Variants in SLCO1C1 observed in about 807,000 individuals in gnomAD.
SLCO1C1 encodes solute carrier organic anion transporter family member 1C1.
SLCO1C1 carries 70 observed loss-of-function variants against 76.4 expected under a neutral mutation model. The observed-to-expected ratio is 0.92, with a 90% CI of 0.76 to 1.12. The LOEUF (loss-of-function observed/expected upper bound fraction) is 1.12. Ranked by LOEUF, SLCO1C1 falls within the 50% of genes most tolerant of loss-of-function variation. The pLI, the probability that SLCO1C1 is intolerant of heterozygous loss-of-function variation, is 0.00. For synonymous variants in SLCO1C1, 306 were observed against 286.1 expected (o/e 1.07, Z -0.70); for missense variants, 912 against 823.8 (o/e 1.11, Z -1.31).
chr12:20,733,723 C>G (rs748275134), intron 10 of SLCO1C1, among the ~76,000 whole-genome samples: 28 of 152,158 alleles, frequency 1.8e-4, no homozygotes, highest in Admixed American at 1.1e-3. Context: ...TAAAAGTTCT[C>G]TTTAGCTGAG....
intron 13 of SLCO1C1, among the ~76,000 whole-genome samples, chr12:20,745,968 G>A (rs1319526598): frequency 6.6e-6 from 1 of 151,988 alleles, no homozygotes; most frequent in African/African-American, 2.4e-5. Context: ...TTGAAACCCA[G>A]AAGAAATGAA....
chr12:20,720,979 A>G (rs1947635077), intron 7 of SLCO1C1, among the ~76,000 whole-genome samples: 1 of 148,346 alleles, frequency 6.7e-6, no homozygotes, highest in Non-Finnish European at 1.5e-5. Flanking sequence ...CCTGGGCAAC[A>G]AGAGTGAAAC....
intron 1 of SLCO1C1, among the ~76,000 whole-genome samples, chr12:20,698,200 GT>G (rs951933584): frequency 3.3e-5 from 5 of 151,534 alleles, no homozygotes; most frequent in African/African-American, 1.2e-4. Flanking sequence ...TTATATCTTT[GT>G]TTTTTGTCTT....
intron 12 of SLCO1C1, 79 bp downstream of exon 12, chr12:20,740,447 G>C: frequency 2.3e-6 from 3 of 1,327,574 alleles, no homozygotes; most frequent in Non-Finnish European, 3.1e-6. Context: ...TTTTTCTGTG[G>C]AGTCTATGAT....
chr12:20,695,829 TTA>T (rs1244509683), intron 1 of SLCO1C1, 22 bp downstream of exon 1: 2 of 152,142 alleles, frequency 1.3e-5, no homozygotes, highest in Admixed American at 1.3e-4. Context: ...TTCTCTCATT[TTA>T]TATTTTGTGA....
Position 20,737,140 on chromosome 12 carries a change from C to G in SLCO1C1, c.1416C>G (p.Leu472=). Residue 472 remains leucine, a synonymous_variant, in exon 11 of 15, where the codon CTC becomes CTG. Coordinates refer to ENST00000266509, the MANE Select transcript of SLCO1C1 (RefSeq NM_017435.5). ...CTGTCTCTTATCATGAACGAGCTCT[C>G]TTTTCAGATTGCAACTCAAGATGCA... ...TKPVSYHERA[L]FSDCNSRCKC... 1 of 1,545,596 alleles carries G rather than the reference C, an allele frequency of 6.5e-7. No homozygotes were observed. The highest frequency in any genetic ancestry group is 8.7e-7 in the Non-Finnish European group (1 of 1,154,328).
rs1283870434 is a variant in SLCO1C1 at position 20,752,819 on chromosome 12, C to G, written c.*291C>G. 5.2e-6 allele frequency: 1 copy of G among 193,126 alleles called. No individual in the cohort carries two copies. The highest frequency in any genetic ancestry group is 2.3e-5 in the African/African-American group (1 of 42,960). The allele number at this position is 193,126 out of a possible 1,614,324, so 12.0% of individuals were successfully genotyped here. On this transcript the variant is annotated 3_prime_UTR_variant, in exon 15 of 15. Coordinates refer to ENST00000266509, the MANE Select transcript of SLCO1C1 (RefSeq NM_017435.5). Reference sequence around the variant, plus strand: ...TCATTGATATATATTAGCTGTACTCCTAGAAGAACAATTGTCTCTATTGTC... The same window carrying G: ...TCATTGATATATATTAGCTGTACTCGTAGAAGAACAATTGTCTCTATTGTC...
rs1211814317 is a variant in SLCO1C1, at chr12:20,743,856, T to A, written c.1798+487T>A. On this transcript the variant is annotated intron_variant, in intron 13 of 14. Coordinates refer to ENST00000266509, the MANE Select transcript of SLCO1C1 (RefSeq NM_017435.5). ...GCAAATAAATTTGAGTAGGTCATAC[T>A]TTAAATTGTAATTGAAATGTTTTTT... is the stretch of plus-strand genomic sequence containing the variant. Among the ~76,000 whole-genome samples, 3 of 140,308 alleles carry A rather than the reference T, an allele frequency of 2.1e-5. No individual in the cohort carries two copies. The South Asian group carries it at 7.9e-4, about 37-fold the overall frequency. The allele number at this position is 140,308 out of a possible 152,430, so 92.0% of individuals were successfully genotyped here. A position where few individuals can be genotyped will look rare whatever the true frequency, so the allele number is the denominator to read the frequency against.
chr12:20,724,902 A>C (rs995574314), intron 9 of SLCO1C1, among the ~76,000 whole-genome samples: 1 of 145,238 alleles, frequency 6.9e-6, no homozygotes, highest in Non-Finnish European at 1.5e-5. Context: ...ATAATTATAC[A>C]TACAATTATT....
Position 20,737,113 on chromosome 12 carries a change from A to C in SLCO1C1, c.1389A>C (p.Lys463Asn), listed in dbSNP as rs1255949718. Residue 463 changes from lysine (K) to asparagine (N), a missense_variant, in exon 11 of 15, where the codon AAA becomes AAC. Transcript: ENST00000266509. ...AGLTVSYQGTKPVSYHERALF... is the reference protein window; with the variant it reads ...AGLTVSYQGTNPVSYHERALF... ...TTGTTATATTTCTTTTCAGAACCAA[A>C]CCTGTCTCTTATCATGAACGAGCTC... is the stretch of plus-strand genomic sequence containing the variant. 5.3e-6 allele frequency: 8 copies of C among 1,520,476 alleles called. No homozygotes were observed. Among genetic ancestry groups the C allele is most frequent in the Non-Finnish European group, 7.0e-6 (8 of 1,142,428 alleles). 94.2% of individuals were successfully genotyped at this position (1,520,476 alleles called of 1,614,324 possible).
At chr12:20,703,783 T>G (rs1946639518) in intron 3 of SLCO1C1, among the ~76,000 whole-genome samples, 1 of 151,806 alleles carries the variant, frequency 6.6e-6, no homozygotes, top group African/African-American at 2.4e-5. Flanking sequence ...TTGTATATAC[T>G]ATTCCGTTTG....
At position 20,711,412 on chromosome 12, in the gene SLCO1C1, C is replaced by T; in HGVS notation, c.431C>T (p.Ser144Phe). 1 of 1,613,428 alleles carries T rather than the reference C, an allele frequency of 6.2e-7. No homozygotes were observed. The highest frequency in any genetic ancestry group is 1.1e-5 in the South Asian group (1 of 90,914). Residue 144 changes from serine to phenylalanine, a missense_variant, in exon 5 of 15, where the codon TCC becomes TTC. Physicochemically the swap from Ser to Phe is radical, Grantham distance 155 (BLOSUM62 -2). Transcript: ENST00000266509. ...TACAAATATGAGAGATATTCTCCTT[C>T]CTCCAATTCCACTCTCAGCATCTCT... ...EQYKYERYSP[S>F]SNSTLSISPC...
intron 1 of SLCO1C1, 123 bp from the exon 2 acceptor site, chr12:20,699,429 T>C: frequency 2.5e-6 from 2 of 795,260 alleles, no homozygotes. Flanking sequence ...CAACTTACTG[T>C]GACAACAAAA....
rs745649582 is a variant in SLCO1C1 at position 20,740,319 on chromosome 12, TC to T, written c.1686del (p.Tyr563IlefsTer5). The T allele has an allele frequency of 4.3e-6, 7 of 1,613,740 alleles. No homozygotes were observed. The African/African-American group carries it at 6.7e-5, about 15-fold the overall frequency. On this transcript the variant is annotated frameshift_variant, in exon 12 of 15. Transcript: ENST00000266509. LOFTEE classifies it high-confidence loss of function. ...LYFLVISVITSYTLSLGGIPG... is the reference protein window; with the variant it reads ...LYFLVISVITXYTLSLGGIPG... The stretch of plus-strand genomic sequence containing the variant: ...TTTCCTTGTAATTTCAGTCATCACA[TC>T]CTATACTTTATCCCTAGGTGGCATA...
At chr12:20,745,862 T>A (rs1301008897) in intron 13 of SLCO1C1, among the ~76,000 whole-genome samples, 1 of 152,034 alleles carries the variant, frequency 6.6e-6, no homozygotes, top group Admixed American at 6.6e-5. Context: ...AAGCTCATTC[T>A]TAAATTTGAA....
intron 13 of SLCO1C1, among the ~76,000 whole-genome samples, chr12:20,744,920 C>G (rs78328710): frequency 6.6e-6 from 1 of 152,066 alleles, no homozygotes; most frequent in Non-Finnish European, 1.5e-5. Flanking sequence ...AGTACACACA[C>G]GTAACAGAGC....
chr12:20,710,026 T>G (rs549042281), intron 4 of SLCO1C1, among the ~76,000 whole-genome samples: 2 of 151,458 alleles, frequency 1.3e-5, no homozygotes, highest in South Asian at 4.2e-4. Flanking sequence ...CTCTTAAGCA[T>G]TCACATAAAA....
At chr12:20,712,306 A>G (rs1030006427) in intron 5 of SLCO1C1, among the ~76,000 whole-genome samples, 6 of 152,164 alleles carry the variant, frequency 3.9e-5, no homozygotes, top group African/African-American at 9.7e-5. Context: ...ATTCTCTTCT[A>G]TATCACTGTA....
chr12:20,710,268 C>G (rs539685843), intron 4 of SLCO1C1, among the ~76,000 whole-genome samples: 18 of 132,604 alleles, frequency 1.4e-4, no homozygotes, highest in African/African-American at 5.4e-4. Flanking sequence ...AGTGCAATGG[C>G]GCGATCTTGG....
Sources: gnomAD v4.1 joint callset for allele counts (sites outside exome capture counted in the v4.1 genomes callset) on GRCh38, gnomAD v4.1.1 for gene constraint, MANE v1.5 for transcripts, NCBI Gene and HGNC (gene_info 2026-07-23, HGNC 2026-07-21) for gene names.